Variants in TAS2R1 observed in about 807,000 individuals in gnomAD.
TAS2R1 encodes the protein taste receptor type 2 member 1.
For synonymous variants in TAS2R1, 141 were observed against 134.2 expected, an observed-to-expected ratio of 1.05 and a Z score of -0.35; for missense variants, 370 against 353.4, an observed-to-expected ratio of 1.05 and a Z score of -0.38.
At chr5:9,878,594 G>T in the TAS2R1 span, among the ~76,000 whole-genome samples, 2 of 152,142 alleles carry the variant, frequency 1.3e-5, no homozygotes, top group Non-Finnish European at 2.9e-5. Context: ...TTTTTACTTA[G>T]GTCATATGGT....
the TAS2R1 span, among the ~76,000 whole-genome samples, chr5:9,895,780 GC>G: frequency 6.6e-6 from 1 of 152,178 alleles, no homozygotes; most frequent in East Asian, 1.9e-4. Flanking sequence ...TTCTGTGTGT[GC>G]CTTTCCACTG....
chr5:9,672,153 A>C (rs1316280605), intron 1 of TAS2R1, among the ~76,000 whole-genome samples: 1 of 152,240 alleles, frequency 6.6e-6, no homozygotes, highest in Non-Finnish European at 1.5e-5. Context: ...TGATAAATCC[A>C]AGAGTTAAAT....
In TAS2R1 at chr5:9,629,476, G is replaced by T; in HGVS notation, c.557C>A (p.Pro186Gln). ...AACAGCAAAAAGGAAGATAAGCAATGGCACTGAGAACTCAGCAACAAAAGA... is the reference window on the plus strand; with the variant it reads ...AACAGCAAAAAGGAAGATAAGCAATTGCACTGAGAACTCAGCAACAAAAGA... ...IFSFVAEFSV[P>Q]LLIFLFAVLL... The change falls in exon 1 of 1, where the codon CCA (proline) becomes CAA (glutamine). Residue 186 changes from proline to glutamine, a missense_variant. Physicochemically the swap from Pro to Gln is moderately conservative, Grantham distance 76. Transcript: ENST00000382492. 2 of 1,614,152 alleles carry T rather than the reference G, an allele frequency of 1.2e-6. No homozygotes were observed. The highest frequency in any genetic ancestry group is 1.7e-6 in the Non-Finnish European group (2 of 1,180,034).
the TAS2R1 span, among the ~76,000 whole-genome samples, chr5:9,738,357 C>T: frequency 0.17 from 25,158 of 152,094 alleles, 2,373 homozygotes; most frequent in Middle Eastern, 0.24. Context: ...TGGAATCTGA[C>T]AGCTGTCACG....
At chr5:9,848,840 G>A in the TAS2R1 span, among the ~76,000 whole-genome samples, 2 of 152,070 alleles carry the variant, frequency 1.3e-5, no homozygotes, top group Admixed American at 1.3e-4. Flanking sequence ...TCTTTAAATT[G>A]GTGTTTGTGT....
chr5:9,814,137 T>G, the TAS2R1 span, among the ~76,000 whole-genome samples: 6 of 152,224 alleles, frequency 3.9e-5, no homozygotes, highest in Non-Finnish European at 8.8e-5. Context: ...CTCTGTCTTT[T>G]GCTGAGGTAT....
chr5:9,765,559 G>A, the TAS2R1 span: 1 of 151,640 alleles, frequency 6.6e-6, no homozygotes, highest in South Asian at 2.1e-4. Flanking sequence ...CTTCTCCACA[G>A]GCATGGGAAG....
rs779297716 is a variant in TAS2R1 at position 9,629,643 on chromosome 5, G to A, written c.390C>T (p.Ile130=). The A allele has an allele frequency of 6.2e-7, 1 of 1,614,098 alleles. No homozygotes were observed. The highest frequency in any genetic ancestry group is 8.5e-7 in the Non-Finnish European group (1 of 1,180,006). ...TAGATACATATAGCAGAGACCCCAG[G>A]ATCATCCATGGGACCAGCTTGGATA... ...MRISKLVPWM[I]LGSLLYVSMI... Residue 130 remains isoleucine, a synonymous_variant, in exon 1 of 1, where the codon ATC becomes ATT. Transcript: ENST00000382492.
intron 1 of TAS2R1, among the ~76,000 whole-genome samples, chr5:9,711,558 G>T (rs895752593): frequency 6.6e-6 from 1 of 152,166 alleles, no homozygotes; most frequent in Non-Finnish European, 1.5e-5. Flanking sequence ...TTTCAGTCAC[G>T]CAAGAGAAAA....
At chr5:9,780,693 G>GCA in the TAS2R1 span, among the ~76,000 whole-genome samples, 7 of 151,942 alleles carry the variant, frequency 4.6e-5, no homozygotes, top group South Asian at 1.4e-3. Flanking sequence ...GTGTGTGTGC[G>GCA]CGCGCGCGCG....
the TAS2R1 span, among the ~76,000 whole-genome samples, chr5:9,859,692 G>A: frequency 6.6e-6 from 1 of 152,156 alleles, no homozygotes; most frequent in Non-Finnish European, 1.5e-5. Flanking sequence ...AGAAACCTCA[G>A]TTGCTGCTTG....
At chr5:9,644,148 G>A (rs1394281654) in intron 2 of TAS2R1, among the ~76,000 whole-genome samples, 1 of 152,106 alleles carries the variant, frequency 6.6e-6, no homozygotes, top group Non-Finnish European at 1.5e-5. Flanking sequence ...TGGGTGAGGG[G>A]GAAGCTTTGT....
the TAS2R1 span, among the ~76,000 whole-genome samples, chr5:9,866,064 C>T: frequency 6.6e-6 from 1 of 152,138 alleles, no homozygotes; most frequent in Non-Finnish European, 1.5e-5. Flanking sequence ...CTCTTACTTA[C>T]TCTTCTATAC....
chr5:9,653,723 T>A (rs1223754345), intron 2 of TAS2R1, among the ~76,000 whole-genome samples: 1 of 151,976 alleles, frequency 6.6e-6, no homozygotes, highest in African/African-American at 2.4e-5. Flanking sequence ...CCAGAAAACA[T>A]AAACAAAAGA....
At chr5:9,866,797 C>G in the TAS2R1 span, among the ~76,000 whole-genome samples, 1 of 152,216 alleles carries the variant, frequency 6.6e-6, no homozygotes, top group African/African-American at 2.4e-5. Context: ...CACTTGCCTT[C>G]TAGGCAAAAG....
chr5:9,694,602 A>C (rs1741321527), intron 1 of TAS2R1, among the ~76,000 whole-genome samples: 1 of 152,130 alleles, frequency 6.6e-6, no homozygotes, highest in African/African-American at 2.4e-5. Flanking sequence ...CTTTCTAATG[A>C]GTTTCTATGT....
chr5:9,772,227 A>G, the TAS2R1 span, among the ~76,000 whole-genome samples: 5 of 151,966 alleles, frequency 3.3e-5, no homozygotes, highest in African/African-American at 1.2e-4. Flanking sequence ...GCTTCAAGAC[A>G]TTTTTCAATT....
intron 1 of TAS2R1, among the ~76,000 whole-genome samples, chr5:9,667,688 C>T (rs1740664946): frequency 6.6e-6 from 1 of 151,972 alleles, no homozygotes; most frequent in Non-Finnish European, 1.5e-5. Flanking sequence ...CAGGAGTGAA[C>T]TAAAATTGAA....
the TAS2R1 span, among the ~76,000 whole-genome samples, chr5:9,836,481 A>C: frequency 6.7e-6 from 1 of 150,032 alleles, no homozygotes; most frequent in South Asian, 2.1e-4. Flanking sequence ...TGCCAGCAGC[A>C]TCCCTCCATA....
Sources: gnomAD v4.1 joint callset for allele counts (sites outside exome capture counted in the v4.1 genomes callset) on GRCh38, gnomAD v4.1.1 for gene constraint, MANE v1.5 for transcripts, NCBI Gene and HGNC (gene_info 2026-07-23, HGNC 2026-07-21) for gene names.